The following HPRT1 variants were observed in gnomAD, a reference collection of about 807,000 sequenced individuals.
The protein encoded by HPRT1 is hypoxanthine phosphoribosyltransferase 1.
HPRT1 carries 4 observed loss-of-function variants against 19.0 expected under a neutral mutation model. The observed-to-expected ratio is 0.21, with a 90% CI of 0.10 to 0.48. HPRT1 has a LOEUF of 0.48. Among genes scored for constraint, HPRT1 ranks in the 20% least tolerant of loss-of-function variants. The pLI, the probability that HPRT1 is intolerant of heterozygous loss-of-function variation, is 0.98. For missense variants in HPRT1, 65 were observed against 164.0 expected, an observed-to-expected ratio of 0.40 and a Z score of 3.30; for synonymous variants, 53 against 54.9, an observed-to-expected ratio of 0.97 and a Z score of 0.15.
chrX:134,461,234 G>A (rs17885117), intron 1 of HPRT1, among the ~76,000 whole-genome samples: 2,772 of 111,300 alleles, frequency 0.025, 96 homozygotes, highest in African/African-American at 0.085. Context: ...TGTTGTTTTG[G>A]CAATGACCTG....
At chrX:134,499,387 AGAATCACTG>A (rs1351607326) in intron 8 of HPRT1, among the ~76,000 whole-genome samples, 1 of 111,492 alleles carries the variant, frequency 9.0e-6, no homozygotes, top group Non-Finnish European at 1.9e-5. Context: ...CTGAGGCAGG[AGAATCACTG>A]GAACCCGGGA....
At chrX:134,488,096 T>C (rs1188515258) in intron 4 of HPRT1, among the ~76,000 whole-genome samples, 1 of 111,382 alleles carries the variant, frequency 9.0e-6, no homozygotes, top group East Asian at 2.8e-4. Context: ...TTCTTGGTGG[T>C]AAGATTATGG....
intron 6 of HPRT1, among the ~76,000 whole-genome samples, chrX:134,497,903 C>T (rs1214429601): frequency 2.9e-5 from 3 of 101,922 alleles, no homozygotes; most frequent in African/African-American, 1.1e-4. Context: ...GCGGAGATCG[C>T]GCCACTGCAC....
chrX:134,467,923 C>T (rs1030963253), intron 1 of HPRT1, among the ~76,000 whole-genome samples: 13 of 107,315 alleles, frequency 1.2e-4, no homozygotes, highest in African/African-American at 4.4e-4. Flanking sequence ...CTCCATGTCT[C>T]AGCCTCCCTA....
At chrX:134,483,458 C>T (rs1169358527) in intron 3 of HPRT1, among the ~76,000 whole-genome samples, 1 of 111,279 alleles carries the variant, frequency 9.0e-6, no homozygotes, top group Non-Finnish European at 1.9e-5. Context: ...GTTTGTAGTC[C>T]CAAAGAGCTT....
chrX:134,498,823 G>A (rs2077688079), intron 8 of HPRT1, 139 bp downstream of exon 8: 13 of 504,575 alleles, frequency 2.6e-5, no homozygotes, highest in Non-Finnish European at 4.2e-5. Context: ...CTGTAGTCTA[G>A]TACAGACGTC....
chrX:134,494,739 A>G (rs560080406), intron 6 of HPRT1, among the ~76,000 whole-genome samples: 34 of 111,975 alleles, frequency 3.0e-4, no homozygotes, highest in Middle Eastern at 4.6e-3. Context: ...TTAAATGTCA[A>G]CCTACTGTGG....
In HPRT1 at chrX:134,492,749, G is replaced by T. The variant is rs754390610; in HGVS notation, c.403-759G>T. 4.5e-5 allele frequency among the ~76,000 whole-genome samples: 5 copies of T among 112,008 alleles called. No individual in the cohort carries two copies. In the East Asian group the frequency reaches 1.4e-3, roughly 31 times the overall value. ...CACAGATCCTGGTCACATTCAAGGGGAGGGAACCCTTCTGTGTGTGTACAC... is the reference window on the plus strand; with the variant it reads ...CACAGATCCTGGTCACATTCAAGGGTAGGGAACCCTTCTGTGTGTGTACAC... On this transcript the variant is annotated intron_variant, in intron 5 of 8. Transcript: ENST00000298556.
chrX:134,472,960 T>C (rs1170449487), intron 1 of HPRT1, among the ~76,000 whole-genome samples: 1 of 110,614 alleles, frequency 9.0e-6, no homozygotes, highest in Non-Finnish European at 1.9e-5. Context: ...CATTCTTGGC[T>C]CACTGCAACC....
intron 2 of HPRT1, among the ~76,000 whole-genome samples, 157 bp from the exon 3 acceptor site, chrX:134,475,024 G>A (rs751674808): frequency 9.1e-6 from 1 of 110,360 alleles, no homozygotes; most frequent in Non-Finnish European, 1.9e-5. Context: ...GGGACTACAG[G>A]TACATGCTAC....
At chrX:134,478,451 T>G (rs989208996) in intron 3 of HPRT1, among the ~76,000 whole-genome samples, 2 of 110,811 alleles carry the variant, frequency 1.8e-5, no homozygotes, top group African/African-American at 6.6e-5. Flanking sequence ...ACCCCCTCTC[T>G]ACACAAAAAG....
Position 134,498,449 on chromosome X carries a change from C to T in HPRT1, c.532+13C>T, listed in dbSNP as rs1569360091. The T allele has an allele frequency of 8.5e-7, 1 of 1,182,332 alleles. No individual in the cohort carries two copies. Among genetic ancestry groups the T allele is most frequent in the South Asian group, 1.8e-5 (1 of 56,293 alleles). ...TATAAGCCAGACTGTAAGTGAATTA[C>T]TTTTTTTGTCAATCATTTAACCATC... On this transcript the variant is annotated intron_variant, in intron 7 of 8. Coordinates refer to ENST00000298556, the MANE Select transcript of HPRT1 (RefSeq NM_000194.3).
At chrX:134,484,036 G>A (rs768883177) in intron 3 of HPRT1, among the ~76,000 whole-genome samples, 24 of 111,808 alleles carry the variant, frequency 2.1e-4, no homozygotes, top group Non-Finnish European at 4.0e-4. Flanking sequence ...GCAAACAGGA[G>A]TATGGAGGTT....
intron 6 of HPRT1, among the ~76,000 whole-genome samples, chrX:134,494,957 G>A (rs756031759): frequency 3.6e-5 from 4 of 111,305 alleles, no homozygotes; most frequent in Non-Finnish European, 7.5e-5. Flanking sequence ...TATCTTCTTT[G>A]AACCCCACGT....
intron 1 of HPRT1, among the ~76,000 whole-genome samples, chrX:134,466,759 G>A (rs1186223595): frequency 8.9e-6 from 1 of 111,816 alleles, no homozygotes; most frequent in African/African-American, 3.2e-5. Context: ...TGGTTTACAC[G>A]GCTGTGCTAG....
At chrX:134,474,108 A>C (rs2077617244) in intron 2 of HPRT1, among the ~76,000 whole-genome samples, 1 of 111,763 alleles carries the variant, frequency 8.9e-6, no homozygotes, top group Admixed American at 9.6e-5. Context: ...GTTATTGGAC[A>C]CTTTTAATAT....
Position 134,481,754 on chromosome X carries a change from G to A in HPRT1, c.319-4711G>A, listed in dbSNP as rs774541376. ...ATGTAGTCCTTATCAGGTAACTGAG[G>A]TTTTATATAAGTCCCCTGATTCTTA... On this transcript the variant is annotated intron_variant, in intron 3 of 8. Coordinates refer to ENST00000298556, the MANE Select transcript of HPRT1 (RefSeq NM_000194.3). 2.7e-5 allele frequency among the ~76,000 whole-genome samples: 3 copies of A among 111,573 alleles called. No homozygotes were observed. The South Asian group carries it at 1.1e-3, about 41-fold the overall frequency.
At chrX:134,480,154 T>C (rs1293929647) in intron 3 of HPRT1, among the ~76,000 whole-genome samples, 1 of 111,459 alleles carries the variant, frequency 9.0e-6, no homozygotes, top group Non-Finnish European at 1.9e-5. Context: ...TTTTTTGAGT[T>C]ACAAATTATC....
At chrX:134,488,413 G>A (rs775188498) in intron 4 of HPRT1, among the ~76,000 whole-genome samples, 71 of 110,765 alleles carry the variant, frequency 6.4e-4, no homozygotes, top group Middle Eastern at 9.3e-3. Flanking sequence ...CCGGGATTAC[G>A]GGTGTGAGCC....
Sources: allele counts gnomAD v4.1 joint callset (sites outside exome capture counted in the v4.1 genomes callset), GRCh38; gene constraint gnomAD v4.1.1; transcripts MANE v1.5; gene names NCBI Gene and HGNC (gene_info 2026-07-23, HGNC 2026-07-21).